Variants in NDE1 observed in about 807,000 individuals in gnomAD.
The protein encoded by NDE1 is nudE neurodevelopment protein 1.
In NDE1, 28 loss-of-function variants were observed where a neutral mutation model predicts 43.4. The observed-to-expected ratio is 0.65, with a 90% confidence interval of 0.48 to 0.89. The LOEUF (loss-of-function observed/expected upper bound fraction) is 0.89. Among genes scored for constraint, NDE1 ranks in the 40% least tolerant of loss-of-function variants. The probability of loss-of-function intolerance (pLI) is 0.00; values close to 1 mark genes in which losing one functional copy is unlikely to be tolerated. For synonymous variants in NDE1, 184 were observed against 172.0 expected, an observed-to-expected ratio of 1.07 and a Z score of -0.55; for missense variants, 441 against 434.1, an observed-to-expected ratio of 1.02 and a Z score of -0.14.
At chr16:15,673,238 G>C (rs1464362196) in intron 3 of NDE1, among the ~76,000 whole-genome samples, 1 of 151,796 alleles carries the variant, frequency 6.6e-6, no homozygotes, top group Non-Finnish European at 1.5e-5. Context: ...TTTTGAGATG[G>C]GGTCTCTGTC....
At chr16:15,709,379 A>G (rs566925727) in intron 8 of NDE1, among the ~76,000 whole-genome samples, 6 of 151,672 alleles carry the variant, frequency 4.0e-5, no homozygotes, top group Non-Finnish European at 5.9e-5. Context: ...GGCATGATCT[A>G]TCTCTGCTCA....
chr16:15,672,981 CTGTT>C (rs1304400691), intron 3 of NDE1, among the ~76,000 whole-genome samples: 4 of 151,992 alleles, frequency 2.6e-5, no homozygotes, highest in Non-Finnish European at 4.4e-5. Context: ...TGTAAATCAT[CTGTT>C]TGTTCTTTCT....
At chr16:15,661,243 G>C (rs997980705) in intron 1 of NDE1, among the ~76,000 whole-genome samples, 1 of 151,102 alleles carries the variant, frequency 6.6e-6, no homozygotes, top group Admixed American at 6.6e-5. Flanking sequence ...CCGCCTCCCG[G>C]GTTCAAGCCA....
At chr16:15,679,897 A>G (rs1166437384) in intron 4 of NDE1, among the ~76,000 whole-genome samples, 1 of 151,626 alleles carries the variant, frequency 6.6e-6, no homozygotes, top group African/African-American at 2.4e-5. Context: ...TCCTGCCTCA[A>G]CCTCCGGAGT....
intron 4 of NDE1, among the ~76,000 whole-genome samples, chr16:15,680,071 A>T (rs1050369657): frequency 1.3e-5 from 2 of 152,100 alleles, no homozygotes; most frequent in Admixed American, 1.3e-4. Flanking sequence ...GAGCCACCAT[A>T]CCCAGCCAGA....
chr16:15,643,448 A>G, exon 1 of NDE1: 1 of 447,566 alleles, frequency 2.2e-6, no homozygotes, highest in Non-Finnish European at 4.6e-6. Context: ...GCGGAGAATG[A>G]GCTCGTGACG....
intron 8 of NDE1, among the ~76,000 whole-genome samples, chr16:15,716,967 G>A (rs953262393): frequency 6.6e-6 from 1 of 152,160 alleles, no homozygotes; most frequent in African/African-American, 2.4e-5. Context: ...GAACCAGCAG[G>A]GCACTTTGCT....
At chr16:15,710,606 AT>A (rs1329963512) in intron 8 of NDE1, among the ~76,000 whole-genome samples, 2 of 152,100 alleles carry the variant, frequency 1.3e-5, no homozygotes, top group Middle Eastern at 3.2e-3. Context: ...GAGTGGCTGT[AT>A]CCCCATCGCT....
Position 15,696,824 on chromosome 16 carries a change from G to A in NDE1, c.911G>A (p.Arg304Gln), listed in dbSNP as rs201413303. The change falls in exon 8 of 9, where the codon CGG becomes CAG. Residue 304 changes from arginine (R) to glutamine (Q), a missense_variant. Transcript: ENST00000396354. ...SSKNRDGGER[R>Q]PSSTSVPLGD... ...AAGAACAGAGATGGCGGGGAGAGAC[G>A]GCCAAGCAGCACCAGCGTGCCTTTG... The A allele has an allele frequency of 1.8e-5, 29 of 1,614,152 alleles. No individual in the cohort carries two copies. Among genetic ancestry groups the A allele is most frequent in the East Asian group, 1.3e-4 (6 of 44,868 alleles).
chr16:15,718,546 G>T (rs2040295491), intron 8 of NDE1: 2 of 1,432,482 alleles, frequency 1.4e-6, no homozygotes, highest in Admixed American at 2.2e-5. Flanking sequence ...TCTAATGGGT[G>T]AAACTGAGGC....
At chr16:15,662,870 C>T (rs573597171) in intron 1 of NDE1, among the ~76,000 whole-genome samples, 2 of 152,312 alleles carry the variant, frequency 1.3e-5, no homozygotes, top group East Asian at 3.9e-4. Context: ...TGAGCCACTG[C>T]ACCTGGCCTC....
At chr16:15,659,948 C>T (rs1596551824) in intron 1 of NDE1, among the ~76,000 whole-genome samples, 3 of 150,796 alleles carry the variant, frequency 2.0e-5, no homozygotes, top group African/African-American at 7.3e-5. Context: ...GGGGTTTCAC[C>T]ATATTGGCCA....
intron 8 of NDE1, chr16:15,720,441 T>C (rs1426390583): frequency 3.9e-6 from 5 of 1,292,266 alleles, no homozygotes; most frequent in Non-Finnish European, 5.4e-6. Context: ...TCATCCCCAG[T>C]TGCAGATGAG....
chr16:15,690,337 C>CTTTTTTTTTTTTTCTTTTTTTTTTTT (rs2038671654), intron 5 of NDE1, among the ~76,000 whole-genome samples: 1 of 74,108 alleles, frequency 1.3e-5, no homozygotes, highest in African/African-American at 4.7e-5. Context: ...TGCAACTGGC[C>CTTTTTTTTTTTTTCTTTTTTTTTTTT]TTTTTTTTTT....
intron 5 of NDE1, among the ~76,000 whole-genome samples, chr16:15,690,726 C>A (rs891810160): frequency 1.1e-4 from 16 of 152,158 alleles, no homozygotes; most frequent in African/African-American, 3.6e-4. Context: ...GAGTGTTTCA[C>A]CCCAGTAGGT....
chr16:15,724,117 C>T, intron 8 of NDE1, 74 bp from the exon 9 acceptor site: 2 of 1,610,650 alleles, frequency 1.2e-6, no homozygotes, highest in Non-Finnish European at 1.7e-6. Flanking sequence ...GATTCCCCAA[C>T]CCAGCGTCCA....
intron 8 of NDE1, among the ~76,000 whole-genome samples, chr16:15,709,726 C>A (rs1373011402): frequency 6.6e-6 from 1 of 152,170 alleles, no homozygotes; most frequent in Non-Finnish European, 1.5e-5. Context: ...TTTGAGCAAG[C>A]TAGTTTGAGA....
At chr16:15,720,743 A>G in intron 8 of NDE1, 1 of 1,296,558 alleles carries the variant, frequency 7.7e-7, no homozygotes. Flanking sequence ...AAAAAAAAAT[A>G]AAGAAAACGA....
intron 1 of NDE1, among the ~76,000 whole-genome samples, 168 bp from the exon 2 acceptor site, chr16:15,664,568 G>A (rs2037205548): frequency 6.6e-6 from 1 of 151,886 alleles, no homozygotes; most frequent in Non-Finnish European, 1.5e-5. Flanking sequence ...TGTTAGCTAG[G>A]GTGGTCTCGA....
Sources: allele counts gnomAD v4.1 joint callset (sites outside exome capture counted in the v4.1 genomes callset), GRCh38; gene constraint gnomAD v4.1.1; transcripts MANE v1.5; gene names NCBI Gene and HGNC (gene_info 2026-07-23, HGNC 2026-07-21).